Variants in CRIM1 observed in about 807,000 individuals in gnomAD.
CRIM1 encodes the protein cysteine-rich motor neuron 1 protein.
CRIM1 carries 32 observed loss-of-function variants against 116.4 expected under a neutral mutation model. The ratio of observed to expected loss-of-function variants is 0.27; its 90% CI spans 0.21 to 0.37. The LOEUF is 0.37. Ranked by LOEUF, CRIM1 falls within the 10% of genes least tolerant of loss-of-function variation. The pLI is 1.00. For synonymous variants in CRIM1, 590 were observed against 509.2 expected, an observed-to-expected ratio of 1.16 and a Z score of -2.13; for missense variants, 1,331 against 1,354.8, an observed-to-expected ratio of 0.98 and a Z score of 0.28.
chr2:36,535,948 T>C (rs1010982266), intron 13 of CRIM1, among the ~76,000 whole-genome samples: 4 of 152,238 alleles, frequency 2.6e-5, no homozygotes, highest in Non-Finnish European at 5.9e-5. Context: ...CGCTGTTTTA[T>C]ATTAGGGACT....
intron 1 of CRIM1, among the ~76,000 whole-genome samples, chr2:36,368,816 ACTTTTTG>A (rs1669762625): frequency 6.6e-6 from 1 of 152,182 alleles, no homozygotes; most frequent in South Asian, 2.1e-4. Flanking sequence ...TTTCTGTAAT[ACTTTTTG>A]CTTTTTGCTC....
chr2:36,453,295 G>A (rs711255), intron 4 of CRIM1, among the ~76,000 whole-genome samples: 1 of 152,206 alleles, frequency 6.6e-6, no homozygotes, highest in South Asian at 2.1e-4. Flanking sequence ...ACAGCAAGTG[G>A]TTTGTAAATT....
At position 36,409,785 on chromosome 2, in the gene CRIM1, A is replaced by G. The variant is rs1303020541; in HGVS notation, c.505+12998A>G. On this transcript the variant is annotated intron_variant, in intron 2 of 16. Transcript: ENST00000280527. ...CTTTGTGAAATGTGTAACTTAAGAAAGGTATTTAGGAGCACTAAAATTAAA... is the reference window on the plus strand; with the variant it reads ...CTTTGTGAAATGTGTAACTTAAGAAGGGTATTTAGGAGCACTAAAATTAAA... Among the ~76,000 whole-genome samples the G allele has an allele frequency of 3.9e-5, 6 of 152,268 alleles. No individual in the cohort carries two copies. In the East Asian group the frequency reaches 1.2e-3, roughly 29 times the overall value.
chr2:36,486,765 A>G (rs1227929267), intron 7 of CRIM1, among the ~76,000 whole-genome samples: 3 of 152,220 alleles, frequency 2.0e-5, no homozygotes, highest in African/African-American at 7.2e-5. Context: ...CATCTAATCA[A>G]CAGAGGCAGG....
intron 7 of CRIM1, among the ~76,000 whole-genome samples, chr2:36,498,862 A>ACAT (rs1296676383): frequency 1.3e-5 from 2 of 152,242 alleles, no homozygotes; most frequent in African/African-American, 4.8e-5. Flanking sequence ...TAAAAAATAA[A>ACAT]CCGGAAAACA....
intron 11 of CRIM1, 114 bp from the exon 12 acceptor site, chr2:36,517,213 G>A (rs532721170): frequency 4.9e-5 from 37 of 757,718 alleles, no homozygotes; most frequent in Middle Eastern, 2.6e-4. Context: ...AGAATAGAGC[G>A]AGATGCTCTT....
chr2:36,445,912 A>T (rs1676208457), intron 4 of CRIM1, among the ~76,000 whole-genome samples: 2 of 152,234 alleles, frequency 1.3e-5, no homozygotes, highest in African/African-American at 4.8e-5. Context: ...ATAAAGAAGA[A>T]GATTATAGAA....
chr2:36,387,926 C>CT (rs927706175), intron 1 of CRIM1, among the ~76,000 whole-genome samples: 1 of 145,520 alleles, frequency 6.9e-6, no homozygotes, highest in Non-Finnish European at 1.5e-5. Flanking sequence ...CTCTGTTGCT[C>CT]TTTTTTCAAG....
intron 5 of CRIM1, among the ~76,000 whole-genome samples, chr2:36,470,502 C>G (rs144816419): frequency 1.1e-4 from 17 of 152,274 alleles, no homozygotes; most frequent in Non-Finnish European, 2.2e-4. Flanking sequence ...CTAAACCCCA[C>G]GGCTGTTAAG....
At chr2:36,383,789 A>G (rs1236557443) in intron 1 of CRIM1, among the ~76,000 whole-genome samples, 4 of 152,194 alleles carry the variant, frequency 2.6e-5, no homozygotes, top group Non-Finnish European at 5.9e-5. Context: ...GCAGCTTTCT[A>G]GGTAGACCGG....
intron 1 of CRIM1, among the ~76,000 whole-genome samples, chr2:36,358,379 C>T (rs1668997618): frequency 6.6e-6 from 1 of 152,184 alleles, no homozygotes; most frequent in South Asian, 2.1e-4. Flanking sequence ...CGACATGAAA[C>T]ACAGTTAAAT....
Position 36,474,775 on chromosome 2 carries a change from G to C in CRIM1, c.992-2114G>C, listed in dbSNP as rs142506482. Among the ~76,000 whole-genome samples the C allele has an allele frequency of 2.9e-3, 422 of 143,412 alleles. 4 individuals carry two copies. Among genetic ancestry groups the C allele is most frequent in the African/African-American group, 0.01 (404 of 38,822 alleles). The allele number at this position is 143,412 out of a possible 152,430, so 94.1% of individuals were successfully genotyped here. A position where few individuals can be genotyped will look rare whatever the true frequency, so the allele number is the denominator to read the frequency against. ...AGGCAGGAGAATCACTTGAACCCAG[G>C]AGGTAAAGGTTGCAGTGAGCTCAGA... On this transcript the variant is annotated intron_variant, in intron 5 of 16. Transcript: ENST00000280527.
chr2:36,394,360 T>G (rs1671852013), intron 1 of CRIM1, among the ~76,000 whole-genome samples: 2 of 152,200 alleles, frequency 1.3e-5, no homozygotes, highest in Non-Finnish European at 2.9e-5. Context: ...TGAACTGTAG[T>G]AAAATGCTAG....
intron 1 of CRIM1, among the ~76,000 whole-genome samples, chr2:36,360,880 G>T (rs1168905047): frequency 6.6e-6 from 1 of 152,036 alleles, no homozygotes; most frequent in South Asian, 2.1e-4. Flanking sequence ...GCTTTGTTTT[G>T]GAATAATGGG....
At chr2:36,536,477 C>A (rs3770820) in intron 13 of CRIM1, among the ~76,000 whole-genome samples, 1 of 151,976 alleles carries the variant, frequency 6.6e-6, no homozygotes, top group Admixed American at 6.5e-5. Context: ...CGTGCTCACA[C>A]CCCCGCCACC....
At chr2:36,428,427 T>C (rs1449756514) in intron 2 of CRIM1, among the ~76,000 whole-genome samples, 2 of 152,270 alleles carry the variant, frequency 1.3e-5, no homozygotes, top group Non-Finnish European at 2.9e-5. Context: ...GCTTCAAATC[T>C]CTAATTCATC....
intron 2 of CRIM1, among the ~76,000 whole-genome samples, chr2:36,432,719 G>A (rs1227579808): frequency 6.6e-6 from 1 of 152,008 alleles, no homozygotes; most frequent in East Asian, 1.9e-4. Flanking sequence ...GAGTGTAGAG[G>A]ATGAAGGGGT....
At chr2:36,476,842 C>G (rs994568892) in intron 5 of CRIM1, 47 bp from the exon 6 acceptor site, 1 of 1,510,728 alleles carries the variant, frequency 6.6e-7, no homozygotes, top group African/African-American at 1.4e-5. Flanking sequence ...AAGGACACAA[C>G]TAAAAAATGA....
At chr2:36,466,551 C>G (rs753779798) in intron 5 of CRIM1, among the ~76,000 whole-genome samples, 1 of 152,190 alleles carries the variant, frequency 6.6e-6, no homozygotes, top group African/African-American at 2.4e-5. Flanking sequence ...TATGCTTCAT[C>G]CAGTGCTCAT....
Sources: allele counts gnomAD v4.1 joint callset (sites outside exome capture counted in the v4.1 genomes callset), GRCh38; gene constraint gnomAD v4.1.1; transcripts MANE v1.5; gene names NCBI Gene and HGNC (gene_info 2026-07-23, HGNC 2026-07-21).